Variants in SPATA6L observed in about 807,000 individuals in gnomAD.
SPATA6L encodes the protein spermatogenesis associated 6-like protein.
Under a neutral mutation model 49.2 loss-of-function variants are expected in SPATA6L, and 68 were observed. That is an observed-to-expected ratio of 1.38 (90% CI 1.14 to 1.69). The LOEUF is 1.69. Ranked by LOEUF, SPATA6L falls within the 40% of genes most tolerant of loss-of-function variation. The pLI is 0.00. For missense variants in SPATA6L, 668 were observed against 464.3 expected, an observed-to-expected ratio of 1.44 and a Z score of -4.03; for synonymous variants, 198 against 165.7, an observed-to-expected ratio of 1.19 and a Z score of -1.50.
intron 9 of SPATA6L, among the ~76,000 whole-genome samples, chr9:4,608,832 C>G (rs1483115482): frequency 1.3e-5 from 2 of 151,968 alleles, no homozygotes; most frequent in Non-Finnish European, 2.9e-5. Flanking sequence ...ACAAAAAACC[C>G]TTCAAAAAAT....
At position 4,598,802 on chromosome 9, in the gene SPATA6L, G is replaced by T. The variant is rs907471980; in HGVS notation, c.*2009C>A. On this transcript the variant is annotated 3_prime_UTR_variant, in exon 12 of 12. Coordinates refer to ENST00000682582, the MANE Select transcript of SPATA6L (RefSeq NM_001353486.2). Reference sequence around the variant, plus strand: ...TCTTACTTTTGATGACTACTTAGAGGTAACATCAAAACAACAAATTGACAA... The same window carrying T: ...TCTTACTTTTGATGACTACTTAGAGTTAACATCAAAACAACAAATTGACAA... 6.6e-6 allele frequency among the ~76,000 whole-genome samples: 1 copy of T among 152,148 alleles called. No homozygotes were observed. Among genetic ancestry groups the T allele is most frequent in the Admixed American group, 6.5e-5 (1 of 15,272 alleles).
Position 4,666,293 on chromosome 9 carries a change from T to G in SPATA6L, c.-43A>C. 1 of 1,612,584 alleles carries G rather than the reference T, an allele frequency of 6.2e-7. No homozygotes were observed. The highest frequency in any genetic ancestry group is 8.5e-7 in the Non-Finnish European group (1 of 1,178,754). On this transcript the variant is annotated 5_prime_UTR_variant, in exon 1 of 12. Coordinates refer to ENST00000682582, the MANE Select transcript of SPATA6L (RefSeq NM_001353486.2). Reference sequence around the variant, plus strand: ...AAAGGACTGGAATGAGAAGATCCTTTTGTGCCGAGCCTTGGACCAATTTTT... The same window carrying G: ...AAAGGACTGGAATGAGAAGATCCTTGTGTGCCGAGCCTTGGACCAATTTTT...
At chr9:4,620,650 A>C (rs887138154) in intron 7 of SPATA6L, among the ~76,000 whole-genome samples, 3 of 152,188 alleles carry the variant, frequency 2.0e-5, no homozygotes, top group Non-Finnish European at 4.4e-5. Context: ...AGAGGTCTGA[A>C]TGTCTTCTCT....
intron 9 of SPATA6L, among the ~76,000 whole-genome samples, chr9:4,606,101 T>A (rs976943524): frequency 3.9e-5 from 6 of 152,004 alleles, no homozygotes; most frequent in African/African-American, 4.8e-5. Flanking sequence ...GCGCTTTTCC[T>A]ACGGGCTTAA....
chr9:4,597,319 TAC>T (rs57570250), downstream of SPATA6L, among the ~76,000 whole-genome samples: 10,235 of 143,338 alleles, frequency 0.071, 410 homozygotes, highest in East Asian at 0.18. Flanking sequence ...GAAAACAAAA[TAC>T]ACACACACAC....
chr9:4,609,842 GA>G (rs1341049441), intron 9 of SPATA6L, among the ~76,000 whole-genome samples: 1 of 136,064 alleles, frequency 7.3e-6, no homozygotes, highest in Non-Finnish European at 1.6e-5. Context: ...ATTGGGAAAA[GA>G]AGAAGTCAAA....
downstream of SPATA6L, among the ~76,000 whole-genome samples, chr9:4,594,273 G>A (rs184950726): frequency 2.0e-3 from 306 of 152,200 alleles, 2 homozygotes; most frequent in African/African-American, 6.8e-3. Context: ...GCAGTGGCGC[G>A]AACTCAGCTC....
At chr9:4,646,477 G>T in intron 3 of SPATA6L, 1 of 1,510,710 alleles carries the variant, frequency 6.6e-7, no homozygotes, top group African/African-American at 1.4e-5. Context: ...CGGATTTACT[G>T]CCACATTACC....
At chr9:4,629,400 A>T (rs953421319) in intron 4 of SPATA6L, among the ~76,000 whole-genome samples, 1 of 152,086 alleles carries the variant, frequency 6.6e-6, no homozygotes, top group African/African-American at 2.4e-5. Context: ...ATCCTAACAC[A>T]ACCCCATGAA....
intron 5 of SPATA6L, chr9:4,628,048 TA>T (rs1830679047): frequency 2.9e-6 from 1 of 348,328 alleles, no homozygotes; most frequent in Admixed American, 4.1e-5. Flanking sequence ...AGCTAAAGAT[TA>T]AAACAATTGA....
chr9:4,648,027 G>A (rs1029453751), intron 3 of SPATA6L, among the ~76,000 whole-genome samples: 5 of 152,066 alleles, frequency 3.3e-5, no homozygotes, highest in African/African-American at 1.2e-4. Flanking sequence ...TTGAGATGGA[G>A]TTTCGCCATG....
At chr9:4,643,630 A>G (rs1421887374) in intron 3 of SPATA6L, among the ~76,000 whole-genome samples, 1 of 152,216 alleles carries the variant, frequency 6.6e-6, no homozygotes, top group African/African-American at 2.4e-5. Flanking sequence ...GAAAAGTAAA[A>G]CCCAAAATAC....
At chr9:4,627,677 A>T (rs1830599400) in intron 5 of SPATA6L, 7 of 1,198,624 alleles carry the variant, frequency 5.8e-6, no homozygotes, top group Non-Finnish European at 7.6e-6. Context: ...GGGGTGAGGG[A>T]GGCAGACACT....
intron 1 of SPATA6L, among the ~76,000 whole-genome samples, chr9:4,665,492 A>G (rs998422384): frequency 1.3e-5 from 2 of 152,252 alleles, no homozygotes; most frequent in African/African-American, 4.8e-5. Context: ...TGCCAATTGT[A>G]TGGAAGACAA....
At chr9:4,628,492 G>C (rs887566909) in intron 5 of SPATA6L, 2 of 151,632 alleles carry the variant, frequency 1.3e-5, no homozygotes, top group Non-Finnish European at 2.9e-5. Flanking sequence ...TGTCACCCAG[G>C]CTGGAGTGCA....
chr9:4,619,926 G>C (rs1828883535), intron 7 of SPATA6L, among the ~76,000 whole-genome samples: 1 of 152,176 alleles, frequency 6.6e-6, no homozygotes, highest in Admixed American at 6.5e-5. Context: ...ATGAATATTT[G>C]TAAGGCAATT....
At chr9:4,652,648 T>A (rs1308453738) in intron 3 of SPATA6L, among the ~76,000 whole-genome samples, 2 of 151,350 alleles carry the variant, frequency 1.3e-5, no homozygotes. Context: ...TCGAGACCAG[T>A]CTGACCAACA....
At chr9:4,640,126 G>C (rs548137711) in intron 3 of SPATA6L, among the ~76,000 whole-genome samples, 1 of 152,202 alleles carries the variant, frequency 6.6e-6, no homozygotes, top group Non-Finnish European at 1.5e-5. Flanking sequence ...GGCTTTTACA[G>C]TTGGACTGAA....
intron 2 of SPATA6L, among the ~76,000 whole-genome samples, chr9:4,658,072 C>T (rs776742526): frequency 2.0e-5 from 3 of 152,122 alleles, no homozygotes; most frequent in Non-Finnish European, 4.4e-5. Flanking sequence ...TAGGTCCTTC[C>T]CTAGTGCCTT....
Sources: allele counts gnomAD v4.1 joint callset (sites outside exome capture counted in the v4.1 genomes callset), GRCh38; gene constraint gnomAD v4.1.1; transcripts MANE v1.5; gene names NCBI Gene and HGNC (gene_info 2026-07-23, HGNC 2026-07-21).